The following ASAP2 variants were observed in gnomAD, a reference collection of about 807,000 sequenced individuals.
The protein encoded by ASAP2 is arf-GAP with SH3 domain, ANK repeat and PH domain-containing protein 2.
A neutral mutation model predicts 131.4 loss-of-function variants in ASAP2; 45 were observed. The ratio of observed to expected loss-of-function variants is 0.34; its 90% CI spans 0.27 to 0.44. The LOEUF (loss-of-function observed/expected upper bound fraction) is 0.44. ASAP2 is among the 20% of genes least tolerant of loss of function. The pLI, the probability that ASAP2 is intolerant of heterozygous loss-of-function variation, is 1.00. For synonymous variants in ASAP2, 510 were observed against 503.0 expected (o/e 1.01, Z -0.19); for missense variants, 1,011 against 1,297.0 (o/e 0.78, Z 3.39).
intron 1 of ASAP2, among the ~76,000 whole-genome samples, chr2:9,248,872 G>A (rs1664517066): frequency 6.6e-6 from 1 of 152,144 alleles, no homozygotes; most frequent in African/African-American, 2.4e-5. Flanking sequence ...CTCAGTGTTA[G>A]GTGGCAACGA....
intron 24 of ASAP2, among the ~76,000 whole-genome samples, chr2:9,395,674 C>T (rs542443682): frequency 8.5e-6 from 1 of 117,786 alleles, no homozygotes; most frequent in African/African-American, 3.1e-5. Flanking sequence ...GTGGCGCGAT[C>T]TTGGCTCACT....
intron 1 of ASAP2, among the ~76,000 whole-genome samples, chr2:9,240,157 C>T (rs1287330108): frequency 7.2e-5 from 11 of 152,016 alleles, no homozygotes; most frequent in Admixed American, 7.2e-4. Context: ...TTCCAAGACC[C>T]TCGGTGGATG....
intron 1 of ASAP2, among the ~76,000 whole-genome samples, chr2:9,275,941 G>T (rs1288798513): frequency 6.6e-6 from 1 of 152,206 alleles, no homozygotes; most frequent in Non-Finnish European, 1.5e-5. Context: ...CAGGTGCTCC[G>T]TAGACACGTG....
At chr2:9,283,703 G>T (rs1667276862) in intron 2 of ASAP2, among the ~76,000 whole-genome samples, 1 of 152,212 alleles carries the variant, frequency 6.6e-6, no homozygotes, top group Non-Finnish European at 1.5e-5. Context: ...CCTGGGGGCT[G>T]GGAAGTCCAA....
intron 7 of ASAP2, among the ~76,000 whole-genome samples, chr2:9,329,097 A>C (rs1160233653): frequency 6.6e-6 from 1 of 152,238 alleles, no homozygotes; most frequent in Non-Finnish European, 1.5e-5. Flanking sequence ...TGAGATCTAA[A>C]GTATGAGTAG....
intron 5 of ASAP2, among the ~76,000 whole-genome samples, chr2:9,320,548 G>C (rs1277329997): frequency 6.6e-6 from 1 of 152,192 alleles, no homozygotes; most frequent in Non-Finnish European, 1.5e-5. Context: ...CTTTGTCTAA[G>C]ATGTCATAGT....
At chr2:9,254,238 T>A (rs12476023) in intron 1 of ASAP2, among the ~76,000 whole-genome samples, 1,307 of 26,934 alleles carry the variant, frequency 0.049, 19 homozygotes, top group Non-Finnish European at 0.074. Context: ...AAAAAAAAAA[T>A]ATATATATAT....
rs77488356 is a variant in ASAP2 at position 9,341,049 on chromosome 2, G to A, written c.850-3483G>A. 5.9e-5 allele frequency among the ~76,000 whole-genome samples: 9 copies of A among 152,308 alleles called. No homozygotes were observed. In the East Asian group the frequency reaches 1.5e-3, roughly 26 times the overall value. ...TTTAGGTTGTCTTCGTCTCTCTTAG[G>A]AAAGTGGAGAGTACATTGGAGTCTC... On this transcript the variant is annotated intron_variant, in intron 9 of 27. Transcript: ENST00000281419.
chr2:9,285,217 C>T (rs1347876936), intron 2 of ASAP2, among the ~76,000 whole-genome samples: 3 of 152,040 alleles, frequency 2.0e-5, no homozygotes, highest in Non-Finnish European at 4.4e-5. Context: ...ATCAGAATAC[C>T]CCGGGGTCTT....
At position 9,398,676 on chromosome 2, in the gene ASAP2, G is replaced by T. The variant is rs561567316; in HGVS notation, c.2685-1347G>T. On this transcript the variant is annotated intron_variant, in intron 24 of 27. Coordinates refer to ENST00000281419, the MANE Select transcript of ASAP2 (RefSeq NM_003887.3). ...TACAAAAAATTTGCTGTGCGTGGTG[G>T]TGCACACCTGTAATTCCAGCTACTC... 1.6e-4 allele frequency among the ~76,000 whole-genome samples: 25 copies of T among 152,226 alleles called. No individual in the cohort carries two copies. The South Asian group carries it at 4.6e-3, about 28-fold the overall frequency.
In ASAP2 at chr2:9,389,392, G is replaced by A. The variant is rs1675545411; in HGVS notation, c.2383+846G>A. 6.6e-6 allele frequency among the ~76,000 whole-genome samples: 1 copy of A among 152,248 alleles called. No individual in the cohort carries two copies. Among genetic ancestry groups the A allele is most frequent in the South Asian group, 2.1e-4 (1 of 4,832 alleles). Reference sequence around the variant, plus strand: ...TATCCAGGCATTGTGGCCGCTGTGAGCCGCTGATGGAGTGGAGCCCACGTC... The same window carrying A: ...TATCCAGGCATTGTGGCCGCTGTGAACCGCTGATGGAGTGGAGCCCACGTC... On this transcript the variant is annotated intron_variant, in intron 22 of 27. Transcript: ENST00000281419. The surrounding 1 kb of genome is among the most constrained non-coding windows in gnomAD (Gnocchi z 4.7).
rs1553334464 is a variant in ASAP2 at position 9,405,430 on chromosome 2, G to GTAAC, written c.*2105_*2108dup. 1 of 152,598 alleles carries GTAAC rather than the reference G, an allele frequency of 6.6e-6. No homozygotes were observed. The highest frequency in any genetic ancestry group is 2.4e-5 in the African/African-American group (1 of 41,430). The allele number at this position is 152,598 out of a possible 1,614,324, so 9.5% of individuals were successfully genotyped here. ...CTCAGAACATGTACACAGACTAAGA[G>GTAAC]TAACTGTGTGATCTGTTAAGGGGTG... On this transcript the variant is annotated 3_prime_UTR_variant, in exon 28 of 28. Coordinates refer to ENST00000281419, the MANE Select transcript of ASAP2 (RefSeq NM_003887.3).
intron 1 of ASAP2, among the ~76,000 whole-genome samples, chr2:9,218,056 A>G (rs1346273444): frequency 2.0e-5 from 3 of 152,102 alleles, no homozygotes; most frequent in African/African-American, 7.2e-5. Context: ...TCCTATAGTG[A>G]CATGCCTCCA....
chr2:9,269,923 C>T (rs1666223156), intron 1 of ASAP2, among the ~76,000 whole-genome samples: 1 of 152,210 alleles, frequency 6.6e-6, no homozygotes, highest in Non-Finnish European at 1.5e-5. Flanking sequence ...CGTCCCCTGT[C>T]CTGGCTCCAG....
chr2:9,282,622 G>C (rs1667199146), intron 2 of ASAP2, among the ~76,000 whole-genome samples: 2 of 152,228 alleles, frequency 1.3e-5, no homozygotes, highest in Non-Finnish European at 2.9e-5. Flanking sequence ...GGTTCCAAAG[G>C]AGAAGTCCCC....
chr2:9,382,920 C>G (rs536224763), intron 20 of ASAP2, among the ~76,000 whole-genome samples: 26 of 152,300 alleles, frequency 1.7e-4, no homozygotes, highest in African/African-American at 6.3e-4. Flanking sequence ...TTATGGCAAG[C>G]TGGCTGAGCG....
intron 1 of ASAP2, among the ~76,000 whole-genome samples, chr2:9,208,087 G>A (rs1257398301): frequency 6.6e-6 from 1 of 152,178 alleles, no homozygotes; most frequent in Non-Finnish European, 1.5e-5. Context: ...CGTTGGCTGT[G>A]GTTTGAGGCA....
In ASAP2 at chr2:9,363,958, G is replaced by A. The variant is rs559970360; in HGVS notation, c.1462-4467G>A. Among the ~76,000 whole-genome samples the A allele has an allele frequency of 3.9e-5, 6 of 152,238 alleles. No individual in the cohort carries two copies. In the East Asian group the frequency reaches 1.2e-3, roughly 29 times the overall value. ...GAATCATGTCATCTTAACTACTTTA[G>A]CACACACCAGCTTAATATCTTTAGA... On this transcript the variant is annotated intron_variant, in intron 15 of 27. Transcript: ENST00000281419.
intron 16 of ASAP2, among the ~76,000 whole-genome samples, chr2:9,370,152 C>T (rs998861680): frequency 3.3e-4 from 50 of 152,064 alleles, no homozygotes; most frequent in African/African-American, 1.2e-3. Context: ...TTTTTTTTAA[C>T]CATTTTGTGT....
Sources: allele counts gnomAD v4.1 joint callset (sites outside exome capture counted in the v4.1 genomes callset), GRCh38; gene constraint gnomAD v4.1.1; non-coding constraint Gnocchi (gnomAD v3.1); transcripts MANE v1.5; gene names NCBI Gene and HGNC (gene_info 2026-07-23, HGNC 2026-07-21).